Variants in PHEX observed in about 807,000 individuals in gnomAD.
The protein encoded by PHEX is phosphate-regulating neutral endopeptidase PHEX.
Under a neutral mutation model 68.0 loss-of-function variants are expected in PHEX, and 16 were observed. The observed-to-expected ratio is 0.24, with a 90% CI of 0.16 to 0.36. The LOEUF (loss-of-function observed/expected upper bound fraction) is 0.36, where lower values mean the gene tolerates loss of function less well. Among genes scored for constraint, PHEX ranks in the 10% least tolerant of loss-of-function variants. The probability of loss-of-function intolerance (pLI) is 1.00; values close to 1 mark genes in which losing one functional copy is unlikely to be tolerated. For synonymous variants in PHEX, 208 were observed against 205.1 expected (o/e 1.01, Z -0.12); for missense variants, 480 against 575.5 (o/e 0.83, Z 1.70).
At chrX:22,176,399 AAAAATATAT>A (rs1214222640) in intron 13 of PHEX, among the ~76,000 whole-genome samples, 108 of 64,798 alleles carry the variant, frequency 1.7e-3, no homozygotes, top group African/African-American at 1.0e-2. Context: ...AAAAAAAAAA[AAAAATATAT>A]ATATATATAT....
intron 8 of PHEX, 106 bp downstream of exon 8, chrX:22,097,144 T>G (rs1930178251): frequency 1.7e-6 from 1 of 591,541 alleles, no homozygotes; most frequent in East Asian, 3.4e-5. Context: ...CTCTCAGTCT[T>G]GGTTATCATC....
At chrX:22,192,391 T>G (rs974734038) in intron 15 of PHEX, among the ~76,000 whole-genome samples, 1 of 111,896 alleles carries the variant, frequency 8.9e-6, no homozygotes, top group African/African-American at 3.2e-5. Flanking sequence ...CTAAATATAA[T>G]ATTGTAGCGA....
intron 2 of PHEX, among the ~76,000 whole-genome samples, chrX:22,042,653 C>G (rs1048611202): frequency 9.0e-6 from 1 of 110,879 alleles, no homozygotes. Flanking sequence ...GGCGTGGTGG[C>G]GCAAGTCTGT....
chrX:22,135,203 A>G (rs185707637), intron 12 of PHEX, among the ~76,000 whole-genome samples: 96 of 112,091 alleles, frequency 8.6e-4, no homozygotes, highest in Admixed American at 5.1e-3. Context: ...AAATCTGTCA[A>G]AGCTGTCCTC....
intron 2 of PHEX, among the ~76,000 whole-genome samples, chrX:22,039,254 C>A (rs1421531265): frequency 8.9e-6 from 1 of 112,928 alleles, no homozygotes; most frequent in East Asian, 2.8e-4. Context: ...CAGGCAAGAG[C>A]CACTGTGCCC....
At chrX:22,182,206 C>T in intron 14 of PHEX, among the ~76,000 whole-genome samples, 1 of 111,865 alleles carries the variant, frequency 8.9e-6, no homozygotes, top group Non-Finnish European at 1.9e-5. Flanking sequence ...CTAACTGTGG[C>T]TCTGTCATAT....
rs1569406103 is a variant in PHEX at position 22,133,540 on chromosome X, G to A, written c.1320G>A (p.Glu440=). ...TCTTGTAGATGGAGGAATTGGTTGA[G>A]GGCGTTCGCTGGGCCTTTATTGACA... ...DKKEMMEELV[E]GVRWAFIDML... The change falls in exon 12 of 22, where the codon GAG becomes GAA. Residue 440 remains glutamate, a synonymous_variant. Coordinates refer to ENST00000379374, the MANE Select transcript of PHEX (RefSeq NM_000444.6). 5.0e-6 allele frequency: 6 copies of A among 1,207,514 alleles called. No homozygotes were observed. The highest frequency in any genetic ancestry group is 5.6e-6 in the Non-Finnish European group (5 of 891,734).
At chrX:22,193,689 A>G (rs1021180612) in intron 15 of PHEX, among the ~76,000 whole-genome samples, 1 of 111,541 alleles carries the variant, frequency 9.0e-6, no homozygotes, top group Non-Finnish European at 1.9e-5. Context: ...TCTGTTGTCC[A>G]GCCTATGAGT....
intron 20 of PHEX, among the ~76,000 whole-genome samples, chrX:22,242,742 AG>A (rs1334010579): frequency 4.5e-5 from 5 of 111,873 alleles, no homozygotes; most frequent in African/African-American, 1.6e-4. Flanking sequence ...GACCTCTTCA[AG>A]GAGAACTACA....
chrX:22,051,106 T>C (rs767081342), intron 3 of PHEX, among the ~76,000 whole-genome samples: 1 of 112,357 alleles, frequency 8.9e-6, no homozygotes, highest in South Asian at 3.6e-4. Flanking sequence ...AAATCCCAAG[T>C]TACTCTATGA....
chrX:22,126,344 G>T (rs1301102244), intron 11 of PHEX, among the ~76,000 whole-genome samples: 2 of 111,642 alleles, frequency 1.8e-5, no homozygotes, highest in African/African-American at 6.5e-5. Context: ...TGAAAGTGTG[G>T]GTTTAAGTGT....
Position 22,032,923 on chromosome X carries a change from G to A in PHEX, c.-83G>A. ...ATTAGTAGAAGAGCAAGAAAGCCTT[G>A]GATGTCAACGCCTCGCTCTTGAGAC... On this transcript the variant is annotated 5_prime_UTR_variant, in exon 1 of 22. Transcript: ENST00000379374. 1.5e-6 allele frequency: 1 copy of A among 689,448 alleles called. No homozygotes were observed. The highest frequency in any genetic ancestry group is 2.2e-5 in the Admixed American group (1 of 45,299). 56.8% of individuals were successfully genotyped at this position (689,448 alleles called of 1,213,427 possible). A position where few individuals can be genotyped will look rare whatever the true frequency, so the allele number is the denominator to read the frequency against.
Position 22,250,727 on chromosome X carries a change from G to T in PHEX, c.*2774G>T, listed in dbSNP as rs1038572755. On this transcript the variant is annotated 3_prime_UTR_variant, in exon 22 of 22. Coordinates refer to ENST00000379374, the MANE Select transcript of PHEX (RefSeq NM_000444.6). ...TTTATTCATTTTATGAGATGGACTT[G>T]GACATCACTAATGCAAACACAGGAT... The T allele has an allele frequency of 8.9e-6, 1 of 112,128 alleles. No individual in the cohort carries two copies. The highest frequency in any genetic ancestry group is 1.9e-5 in the Non-Finnish European group (1 of 53,193). The allele number at this position is 112,128 out of a possible 1,213,427, so 9.2% of individuals were successfully genotyped here.
chrX:22,230,227 C>CTTTTTTTTTTTT (rs1491179640), intron 20 of PHEX, among the ~76,000 whole-genome samples: 1 of 26,016 alleles, frequency 3.8e-5, no homozygotes, highest in East Asian at 1.2e-3. Context: ...GCTATATGGG[C>CTTTTTTTTTTTT]TCTTTTTTTT....
At chrX:22,153,026 C>G (rs1237753987) in intron 12 of PHEX, among the ~76,000 whole-genome samples, 1 of 106,962 alleles carries the variant, frequency 9.3e-6, no homozygotes, top group Non-Finnish European at 1.9e-5. Flanking sequence ...GGGTCTTGCT[C>G]TGTCACCTAG....
rs145210433 is a variant in PHEX at position 22,208,874 on chromosome X, G to T, written c.1646-4030G>T. On this transcript the variant is annotated intron_variant, in intron 15 of 21. Coordinates refer to ENST00000379374, the MANE Select transcript of PHEX (RefSeq NM_000444.6). ...TAATAAAAGGCCTCGGGGCTTTTGA[G>T]AAAAATGAGGTTGGGGCACAACAGT... Among the ~76,000 whole-genome samples, 892 of 112,152 alleles carry T rather than the reference G, an allele frequency of 8.0e-3. 8 individuals carry two copies. The highest frequency in any genetic ancestry group is 0.027 in the African/African-American group (850 of 30,931).
At chrX:22,169,083 A>T (rs1306889574) in intron 13 of PHEX, among the ~76,000 whole-genome samples, 2 of 111,136 alleles carry the variant, frequency 1.8e-5, no homozygotes, top group African/African-American at 3.3e-5. Context: ...GATTTTCTTG[A>T]AAATGTAGTC....
At chrX:22,163,192 C>T (rs747233161) in intron 12 of PHEX, 12 of 112,000 alleles carry the variant, frequency 1.1e-4, no homozygotes, top group African/African-American at 3.6e-4. Context: ...GCTGATGAAT[C>T]TGTCCCCTTT....
At chrX:22,131,074 C>T (rs889626404) in intron 11 of PHEX, among the ~76,000 whole-genome samples, 3 of 110,279 alleles carry the variant, frequency 2.7e-5, no homozygotes, top group Non-Finnish European at 3.8e-5. Context: ...GAGTCTCGCT[C>T]TGTCACCCAG....
Sources: gnomAD v4.1 joint callset for allele counts (sites outside exome capture counted in the v4.1 genomes callset) on GRCh38, gnomAD v4.1.1 for gene constraint, MANE v1.5 for transcripts, NCBI Gene and HGNC (gene_info 2026-07-23, HGNC 2026-07-21) for gene names.